The following CREBRF variants were observed in gnomAD, a reference collection of about 807,000 sequenced individuals.
The protein encoded by CREBRF is UPF0474 protein C5orf41.
A neutral mutation model predicts 66.1 loss-of-function variants in CREBRF; 5 were observed. That is an observed-to-expected ratio of 0.08 (90% CI 0.04 to 0.16). The LOEUF is 0.16. Ranked by LOEUF, CREBRF falls within the 10% of genes least tolerant of loss-of-function variation. The probability of loss-of-function intolerance (pLI) is 1.00; values close to 1 mark genes in which losing one functional copy is unlikely to be tolerated. For synonymous variants in CREBRF, 229 were observed against 264.4 expected, an observed-to-expected ratio of 0.87 and a Z score of 1.30; for missense variants, 531 against 744.9, an observed-to-expected ratio of 0.71 and a Z score of 3.34.
rs751965561 is a variant in CREBRF, at chr5:173,134,322, GA to G, written c.*586del. The stretch of plus-strand genomic sequence containing the variant: ...CACACACAAATGTCTGTGCAAGTAA[GA>G]AAAAAAAAGCATATTCTTTGTGCCT... On this transcript the variant is annotated 3_prime_UTR_variant, in exon 9 of 9. Coordinates refer to ENST00000296953, the MANE Select transcript of CREBRF (RefSeq NM_153607.3). The G allele has an allele frequency of 3.2e-4, 72 of 223,260 alleles. No individual in the cohort carries two copies. Among genetic ancestry groups the G allele is most frequent in the African/African-American group, 8.3e-4 (33 of 39,606 alleles). The allele number at this position is 223,260 out of a possible 1,614,324, so 13.8% of individuals were successfully genotyped here.
chr5:173,108,883 T>G, intron 5 of CREBRF, 65 bp downstream of exon 5: 1 of 1,455,318 alleles, frequency 6.9e-7, no homozygotes, highest in East Asian at 2.3e-5. Flanking sequence ...TAATCCATAA[T>G]GTTTACTCCG....
chr5:173,099,558 A>G (rs1758563788), intron 4 of CREBRF, among the ~76,000 whole-genome samples: 1 of 152,126 alleles, frequency 6.6e-6, no homozygotes, highest in South Asian at 2.1e-4. Flanking sequence ...CTGGGTATTG[A>G]TAGGTAAGGA....
At chr5:173,088,420 C>T (rs1280241526) in intron 3 of CREBRF, among the ~76,000 whole-genome samples, 6 of 129,738 alleles carry the variant, frequency 4.6e-5, no homozygotes, top group Admixed American at 1.9e-4. Flanking sequence ...ACCTGGGAGA[C>T]GGAGGTTGCA....
chr5:173,080,751 G>A lies in CREBRF; in HGVS notation c.-25G>A, dbSNP rs144065976. The A allele has an allele frequency of 1.4e-5, 22 of 1,611,498 alleles. No individual in the cohort carries two copies. In the East Asian group the frequency reaches 1.8e-4, roughly 13 times the overall value. The stretch of plus-strand genomic sequence containing the variant: ...CAAGAAAAAAAAGAAGTTTGGAATC[G>A]GATTCACAGGATCTGGGCTTGGAAA... On this transcript the variant is annotated 5_prime_UTR_variant, in exon 2 of 9. Transcript: ENST00000296953.
chr5:173,092,018 T>C (rs576252847), intron 4 of CREBRF: 5 of 324,730 alleles, frequency 1.5e-5, no homozygotes, highest in South Asian at 2.4e-4. Flanking sequence ...GAGGCTGAGG[T>C]TGCGGTTAGC....
At chr5:173,086,047 A>G in intron 2 of CREBRF, 2 of 1,034,022 alleles carry the variant, frequency 1.9e-6, no homozygotes, top group South Asian at 1.3e-5. Context: ...TGCAGTATCA[A>G]AAATCCAAGA....
intron 2 of CREBRF, chr5:173,085,523 T>G: frequency 1.8e-6 from 1 of 545,318 alleles, no homozygotes; most frequent in Non-Finnish European, 3.3e-6. Context: ...TTCAAGCGAT[T>G]CTCCTACCTC....
chr5:173,065,288 G>A (rs911883259), intron 1 of CREBRF, among the ~76,000 whole-genome samples: 15 of 152,108 alleles, frequency 9.9e-5, no homozygotes, highest in Admixed American at 5.2e-4. Context: ...TGTGGGGTTG[G>A]GTATGAGATG....
intron 4 of CREBRF, among the ~76,000 whole-genome samples, chr5:173,094,641 A>G (rs1002383087): frequency 1.2e-4 from 18 of 152,088 alleles, no homozygotes; most frequent in African/African-American, 3.4e-4. Context: ...TTTTCTTGCT[A>G]TTACATTGTT....
intron 8 of CREBRF, among the ~76,000 whole-genome samples, chr5:173,133,189 C>T (rs543280592): frequency 7.9e-5 from 12 of 152,160 alleles, no homozygotes; most frequent in African/African-American, 2.9e-4. Context: ...AAAAATGACC[C>T]AAAACATCCT....
At chr5:173,085,012 G>A (rs1561800768) in intron 2 of CREBRF, among the ~76,000 whole-genome samples, 1 of 150,926 alleles carries the variant, frequency 6.6e-6, no homozygotes, top group African/African-American at 2.4e-5. Flanking sequence ...GCACAATTTC[G>A]GCTTACTGCA....
intron 4 of CREBRF, among the ~76,000 whole-genome samples, chr5:173,100,114 G>GTA (rs1257500250): frequency 5.1e-5 from 6 of 117,868 alleles, no homozygotes; most frequent in East Asian, 2.2e-4. Context: ...GTGTGTGTGT[G>GTA]TGTGTATATA....
chr5:173,118,719 G>A (rs1040612748), intron 7 of CREBRF, among the ~76,000 whole-genome samples: 1 of 150,860 alleles, frequency 6.6e-6, no homozygotes, highest in African/African-American at 2.4e-5. Context: ...TCCTTTATGT[G>A]GATACAAAAC....
intron 7 of CREBRF, among the ~76,000 whole-genome samples, chr5:173,112,774 GT>G (rs1361954831): frequency 2.0e-5 from 3 of 152,192 alleles, no homozygotes; most frequent in Admixed American, 6.5e-5. Context: ...GGATTAGCCA[GT>G]TTTGTTGACT....
At chr5:173,073,024 G>A (rs1757643016) in intron 1 of CREBRF, among the ~76,000 whole-genome samples, 2 of 152,230 alleles carry the variant, frequency 1.3e-5, no homozygotes, top group Admixed American at 6.5e-5. Context: ...GAATAGGAAT[G>A]TTTGGATGGG....
Position 173,080,885 on chromosome 5 carries a change from C to G in CREBRF, c.9+101C>G, listed in dbSNP as rs746692836. On this transcript the variant is annotated intron_variant, in intron 2 of 8. Coordinates refer to ENST00000296953, the MANE Select transcript of CREBRF (RefSeq NM_153607.3). ...ATCTTAACACAACTTTGCATACTAC[C>G]TTTTTGTGATATCTCATTTCTGATC... The G allele has an allele frequency of 7.2e-5, 81 of 1,121,434 alleles. 1 individual carries two copies. The highest frequency in any genetic ancestry group is 1.0e-4 in the Non-Finnish European group (76 of 760,062). The allele number at this position is 1,121,434 out of a possible 1,614,324, so 69.5% of individuals were successfully genotyped here.
intron 3 of CREBRF, among the ~76,000 whole-genome samples, chr5:173,089,235 A>C (rs980644220): frequency 4.6e-5 from 7 of 150,660 alleles, no homozygotes; most frequent in African/African-American, 1.7e-4. Context: ...ACACACACAC[A>C]CACCCCAAAA....
At chr5:173,124,731 TTA>T (rs944268709) in intron 8 of CREBRF, 7 of 152,034 alleles carry the variant, frequency 4.6e-5, no homozygotes, top group African/African-American at 1.7e-4. Context: ...ATTTTTATGT[TTA>T]TACTGTGTTC....
At position 173,095,305 on chromosome 5, in the gene CREBRF, C is replaced by T. The variant is rs1758452200; in HGVS notation, c.1222+3904C>T. On this transcript the variant is annotated intron_variant, in intron 4 of 8. Transcript: ENST00000296953. ...CCAGGTTCACGCCATTCTCCTCCCT[C>T]AGCCTCCCAAGTAGCTGGGACTACA... 4.6e-5 allele frequency among the ~76,000 whole-genome samples: 7 copies of T among 151,150 alleles called. No individual in the cohort carries two copies. The South Asian group carries it at 1.5e-3, about 32-fold the overall frequency.
Sources: allele counts gnomAD v4.1 joint callset (sites outside exome capture counted in the v4.1 genomes callset), GRCh38; gene constraint gnomAD v4.1.1; transcripts MANE v1.5; gene names NCBI Gene and HGNC (gene_info 2026-07-23, HGNC 2026-07-21).